Variants in NRG1 observed in about 807,000 individuals in gnomAD.
The protein encoded by NRG1 is neuregulin 1.
A neutral mutation model predicts 63.8 loss-of-function variants in NRG1; 18 were observed. The ratio of observed to expected loss-of-function variants is 0.28; its 90% CI spans 0.19 to 0.42. The LOEUF is 0.42. NRG1 is among the 10% of genes least tolerant of loss of function. The pLI is 1.00. For missense variants in NRG1, 762 were observed against 814.7 expected, an observed-to-expected ratio of 0.94 and a Z score of 0.79; for synonymous variants, 302 against 301.3, an observed-to-expected ratio of 1.00 and a Z score of -0.02.
intron 1 of NRG1, among the ~76,000 whole-genome samples, chr8:31,756,018 AC>A (rs1816931434): frequency 6.6e-6 from 1 of 152,012 alleles, no homozygotes; most frequent in Admixed American, 6.6e-5. Context: ...ATTTCTACAT[AC>A]CCCTCTGTTT....
chr8:31,889,632 C>T (rs1333534417), intron 1 of NRG1, among the ~76,000 whole-genome samples: 2 of 152,146 alleles, frequency 1.3e-5, no homozygotes, highest in Admixed American at 6.5e-5. Flanking sequence ...TGATTGGCCA[C>T]AGGTTTGGAA....
intron 1 of NRG1, among the ~76,000 whole-genome samples, chr8:31,641,921 G>T (rs1803831541): frequency 1.3e-5 from 2 of 152,160 alleles, no homozygotes; most frequent in Non-Finnish European, 2.9e-5. Context: ...GTTGGCATTT[G>T]TGGTGGTTAA....
At chr8:32,230,761 T>A (rs997320632) in intron 1 of NRG1, among the ~76,000 whole-genome samples, 1 of 134,028 alleles carries the variant, frequency 7.5e-6, no homozygotes, top group Non-Finnish European at 1.6e-5. Flanking sequence ...ACATAATAAG[T>A]GTATATATAC....
intron 6 of NRG1, among the ~76,000 whole-genome samples, chr8:32,741,130 A>T (rs1826226890): frequency 6.6e-6 from 1 of 152,192 alleles, no homozygotes; most frequent in Non-Finnish European, 1.5e-5. Flanking sequence ...CAACAACAAA[A>T]AAGTGGTAAT....
intron 6 of NRG1, 47 bp downstream of exon 6, chr8:32,728,125 T>G: frequency 6.2e-7 from 1 of 1,608,022 alleles, no homozygotes; most frequent in African/African-American, 1.3e-5. Flanking sequence ...AACTCCTTGT[T>G]TCAGATGATT....
chr8:31,885,397 A>G (rs1830642981), intron 1 of NRG1, among the ~76,000 whole-genome samples: 1 of 152,118 alleles, frequency 6.6e-6, no homozygotes, highest in Non-Finnish European at 1.5e-5. Flanking sequence ...CACTGTGTGG[A>G]AAACCTTTAG....
chr8:32,089,659 A>C (rs1157051675), intron 1 of NRG1, among the ~76,000 whole-genome samples: 1 of 152,204 alleles, frequency 6.6e-6, no homozygotes, highest in African/African-American at 2.4e-5. Context: ...AAATGCAATG[A>C]TATAGAAGGA....
chr8:32,035,518 CT>C (rs1267511745), intron 1 of NRG1, among the ~76,000 whole-genome samples: 1 of 152,098 alleles, frequency 6.6e-6, no homozygotes, highest in Admixed American at 6.6e-5. Flanking sequence ...TCTTGATGAT[CT>C]GCCTAATATT....
At chr8:32,176,101 A>G (rs1585856045) in intron 1 of NRG1, among the ~76,000 whole-genome samples, 1 of 152,324 alleles carries the variant, frequency 6.6e-6, no homozygotes, top group East Asian at 1.9e-4. Context: ...CAGTAACCAA[A>G]ACAGCATGGT....
At chr8:32,446,999 T>TTTTTATTTATTTATTTA (rs1554544525) in intron 1 of NRG1, among the ~76,000 whole-genome samples, 1 of 146,344 alleles carries the variant, frequency 6.8e-6, no homozygotes, top group African/African-American at 2.5e-5. Flanking sequence ...CTAAAATACT[T>TTTTTATTTATTTATTTA]TTTATTTATT....
intron 1 of NRG1, among the ~76,000 whole-genome samples, chr8:31,701,745 A>G (rs1394861645): frequency 1.3e-5 from 2 of 152,190 alleles, no homozygotes; most frequent in African/African-American, 4.8e-5. Context: ...CTATTCCAAC[A>G]TAACAGAAAA....
At chr8:32,738,281 C>A (rs1825579448) in intron 6 of NRG1, among the ~76,000 whole-genome samples, 1 of 151,490 alleles carries the variant, frequency 6.6e-6, no homozygotes, top group Non-Finnish European at 1.5e-5. Context: ...AGAGTGATGC[C>A]TAAGTTCAGA....
chr8:32,144,765 C>T (rs1007798338), intron 1 of NRG1, among the ~76,000 whole-genome samples: 2 of 152,122 alleles, frequency 1.3e-5, no homozygotes, highest in African/African-American at 4.8e-5. Flanking sequence ...AATAGTTTTA[C>T]AAGCACAAGT....
intron 5 of NRG1, among the ~76,000 whole-genome samples, chr8:32,682,297 C>T (rs1002350516): frequency 3.9e-5 from 6 of 152,052 alleles, no homozygotes; most frequent in African/African-American, 1.4e-4. Context: ...AGATTTTCAG[C>T]GTTTTAAGTG....
Position 32,267,146 on chromosome 8 carries a change from AAGGAGAAAGAAGGAAG to A in NRG1, c.38-328681_38-328666del, listed in dbSNP as rs1586511993. Among the ~76,000 whole-genome samples, 5 of 150,234 alleles carry A rather than the reference AAGGAGAAAGAAGGAAG, an allele frequency of 3.3e-5. 1 individual carries two copies. The highest frequency in any genetic ancestry group is 4.3e-4 in the South Asian group (2 of 4,652). On this transcript the variant is annotated intron_variant, in intron 1 of 10. Transcript: ENST00000519301. ...AGGAAGGAAGGAGAAAGAAGGAAGG[AAGGAGAAAGAAGGAAG>A]GAGAAAGAAGGAAGGAAGGAGAAAG...
chr8:32,610,590 C>T (rs1021602622), intron 3 of NRG1, among the ~76,000 whole-genome samples: 2 of 152,070 alleles, frequency 1.3e-5, no homozygotes, highest in African/African-American at 4.8e-5. Flanking sequence ...GTAACAGTGG[C>T]CATACTTATA....
chr8:32,397,665 T>A (rs1401977073), intron 1 of NRG1, among the ~76,000 whole-genome samples: 3 of 152,166 alleles, frequency 2.0e-5, no homozygotes, highest in Admixed American at 1.3e-4. Context: ...ATCACTATAT[T>A]CATTTATAAT....
rs140244483 is a variant in NRG1, at chr8:31,934,811, A to G, written c.37+295380A>G. On this transcript the variant is annotated intron_variant, in intron 1 of 10. Coordinates refer to the NRG1 transcript ENST00000519301. ...AATTAATTCCAGAATGTTAAATTTC[A>G]TGATGGCAAAAGTCATTATTAATTT... Among the ~76,000 whole-genome samples, 540 of 152,250 alleles carry G rather than the reference A, an allele frequency of 3.5e-3. 1 individual carries two copies. The highest frequency in any genetic ancestry group is 0.014 in the Middle Eastern group (4 of 294).
chr8:32,598,993 G>A (rs10954863), intron 2 of NRG1, among the ~76,000 whole-genome samples: 57,297 of 151,880 alleles, frequency 0.38, 12,931 homozygotes, highest in South Asian at 0.5. Flanking sequence ...GTAGATCATA[G>A]TGGTAATGAA....
Sources: allele counts gnomAD v4.1 joint callset (sites outside exome capture counted in the v4.1 genomes callset), GRCh38; gene constraint gnomAD v4.1.1; transcripts MANE v1.5; gene names NCBI Gene and HGNC (gene_info 2026-07-23, HGNC 2026-07-21).